DSE: variants seen among roughly 807,000 people sequenced by gnomAD.
DSE encodes the protein dermatan sulfate epimerase.
In DSE, 36 loss-of-function variants were observed where a neutral mutation model predicts 84.4. The ratio of observed to expected loss-of-function variants is 0.43; its 90% confidence interval spans 0.33 to 0.56. DSE has a LOEUF of 0.56. DSE is among the 20% of genes least tolerant of loss of function. The probability of loss-of-function intolerance (pLI) is 0.06; values close to 1 mark genes in which losing one functional copy is unlikely to be tolerated. For synonymous variants in DSE, 410 were observed against 430.1 expected (o/e 0.95, Z 0.58); for missense variants, 862 against 1,169.6 (o/e 0.74, Z 3.84).
chr6:116,271,533 AAT>A (rs1183279249), intron 2 of DSE, among the ~76,000 whole-genome samples: 1 of 152,230 alleles, frequency 6.6e-6, no homozygotes, highest in East Asian at 1.9e-4. Flanking sequence ...TTTACAGGAC[AAT>A]ATGTCCTAAG....
chr6:116,402,261 A>G (rs914472340), intron 2 of DSE, among the ~76,000 whole-genome samples: 1 of 152,166 alleles, frequency 6.6e-6, no homozygotes, highest in Non-Finnish European at 1.5e-5. Flanking sequence ...GTTTTCATTC[A>G]TGACTTAAAC....
intron 2 of DSE, among the ~76,000 whole-genome samples, chr6:116,353,372 T>G (rs1302622735): frequency 6.6e-6 from 1 of 152,216 alleles, no homozygotes; most frequent in Non-Finnish European, 1.5e-5. Flanking sequence ...TATTTTCCTT[T>G]GTAGTATTCC....
At chr6:116,257,385 A>C (rs1311820148) in intron 1 of DSE, 2 of 152,266 alleles carry the variant, frequency 1.3e-5, no homozygotes, top group Admixed American at 6.5e-5. Context: ...AGTATTCTGC[A>C]ACCTTACACA....
intron 1 of DSE, among the ~76,000 whole-genome samples, chr6:116,375,979 CTT>C (rs1779900055): frequency 6.6e-6 from 1 of 152,150 alleles, no homozygotes; most frequent in Non-Finnish European, 1.5e-5. Context: ...AGAAGATTAA[CTT>C]AAATTACACA....
At position 116,426,575 on chromosome 6, in the gene DSE, T is replaced by G; in HGVS notation, c.418T>G (p.Leu140Val). Residue 140 changes from leucine (L) to valine (V), a missense_variant and splice_region_variant, in exon 3 of 6, where the codon TTG becomes GTG. Physicochemically the swap from Leu to Val is conservative, Grantham distance 32 (BLOSUM62 1). Coordinates refer to ENST00000644252, the MANE Select transcript of DSE (RefSeq NM_013352.4). ...TCCATGATTTATTTTCCTTTACAGG[T>G]TGGTGAAAGATGCTCCTTGGGATGA... ...MERMAAQPSWLVKDAPWDEVP... is the reference protein window; with the variant it reads ...MERMAAQPSWVVKDAPWDEVP... 1 of 1,612,126 alleles carries G rather than the reference T, an allele frequency of 6.2e-7. No individual in the cohort carries two copies. Among genetic ancestry groups the G allele is most frequent in the Non-Finnish European group, 8.5e-7 (1 of 1,178,474 alleles).
chr6:116,418,755 C>A (rs1042147025), intron 2 of DSE, among the ~76,000 whole-genome samples: 4 of 152,186 alleles, frequency 2.6e-5, no homozygotes, highest in African/African-American at 7.2e-5. Flanking sequence ...TTCTTCCCCT[C>A]ACTAAGAAGG....
intron 1 of DSE, among the ~76,000 whole-genome samples, chr6:116,374,292 C>T (rs1330195417): frequency 6.6e-6 from 1 of 152,148 alleles, no homozygotes; most frequent in East Asian, 1.9e-4. Flanking sequence ...CCCCACTGCC[C>T]CTTCCCCAAA....
chr6:116,352,974 GTGTT>G (rs1778390428), intron 2 of DSE, among the ~76,000 whole-genome samples: 1 of 152,092 alleles, frequency 6.6e-6, no homozygotes, highest in Non-Finnish European at 1.5e-5. Flanking sequence ...ACTGTGGAAT[GTGTT>G]TGTCAGACAA....
chr6:116,330,147 A>G (rs1418818704), intron 2 of DSE, among the ~76,000 whole-genome samples: 1 of 152,222 alleles, frequency 6.6e-6, no homozygotes, highest in African/African-American at 2.4e-5. Context: ...CTTAAAAAGT[A>G]TTAAACCTTA....
chr6:116,316,821 T>C (rs940096666), intron 2 of DSE, among the ~76,000 whole-genome samples: 2 of 128,336 alleles, frequency 1.6e-5, no homozygotes, highest in Non-Finnish European at 3.2e-5. Flanking sequence ...CTACTACTAC[T>C]ACTACTATTA....
intron 2 of DSE, among the ~76,000 whole-genome samples, chr6:116,299,570 A>ACG (rs1774909315): frequency 8.4e-6 from 1 of 118,964 alleles, no homozygotes; most frequent in Non-Finnish European, 1.8e-5. Context: ...ACACACACAC[A>ACG]CACATACATA....
intron 2 of DSE, among the ~76,000 whole-genome samples, chr6:116,264,588 G>A (rs1049170310): frequency 6.6e-6 from 1 of 152,032 alleles, no homozygotes; most frequent in African/African-American, 2.4e-5. Context: ...AGCCATCTCA[G>A]CCCAGTTCAG....
chr6:116,411,574 G>A (rs1195538357), intron 2 of DSE, among the ~76,000 whole-genome samples: 2 of 152,186 alleles, frequency 1.3e-5, no homozygotes, highest in African/African-American at 2.4e-5. Flanking sequence ...GTTCATATCT[G>A]TGATTCATTT....
chr6:116,261,947 G>T (rs1437425156), intron 2 of DSE, among the ~76,000 whole-genome samples: 3 of 152,148 alleles, frequency 2.0e-5, no homozygotes, highest in Non-Finnish European at 4.4e-5. Flanking sequence ...GATAAAGCCT[G>T]CTTGATCATG....
At chr6:116,359,115 A>G (rs1204603428) in intron 2 of DSE, among the ~76,000 whole-genome samples, 1 of 152,062 alleles carries the variant, frequency 6.6e-6, no homozygotes, top group Admixed American at 6.5e-5. Context: ...GACTTCTGAA[A>G]CTTTAATATA....
At chr6:116,266,735 T>C (rs1446524477) in intron 2 of DSE, among the ~76,000 whole-genome samples, 1 of 152,166 alleles carries the variant, frequency 6.6e-6, no homozygotes. Context: ...TGAAAGTTAT[T>C]TTCTTTCTTT....
chr6:116,368,636 T>A (rs1779306145), upstream of DSE, among the ~76,000 whole-genome samples: 1 of 152,202 alleles, frequency 6.6e-6, no homozygotes, highest in African/African-American at 2.4e-5. Context: ...CCATGGAAGC[T>A]CCAAGGATAT....
chr6:116,434,482 TTC>T (rs34275537), intron 5 of DSE, among the ~76,000 whole-genome samples: 43,502 of 152,000 alleles, frequency 0.29, 7,790 homozygotes, highest in Middle Eastern at 0.44. Flanking sequence ...CATCCTTGAG[TTC>T]TCTCAGGAGT....
At chr6:116,279,904 T>C (rs1332422797) in intron 2 of DSE, 2 of 1,596,920 alleles carry the variant, frequency 1.3e-6, no homozygotes, top group Non-Finnish European at 1.7e-6. Flanking sequence ...TAACCGCCGC[T>C]CGCACCGCCC....
Sources: gnomAD v4.1 joint callset for allele counts (sites outside exome capture counted in the v4.1 genomes callset) on GRCh38, gnomAD v4.1.1 for gene constraint, MANE v1.5 for transcripts, NCBI Gene and HGNC (gene_info 2026-07-23, HGNC 2026-07-21) for gene names.